MAGEC3: variants seen among roughly 807,000 people sequenced by gnomAD.
The protein encoded by MAGEC3 is MAGE family member C3.
A neutral mutation model predicts 35.3 loss-of-function variants in MAGEC3; 34 were observed. The ratio of observed to expected loss-of-function variants is 0.96; its 90% CI spans 0.73 to 1.28. The LOEUF (loss-of-function observed/expected upper bound fraction) is 1.28, where lower values mean the gene tolerates loss of function less well. Among genes scored for constraint, MAGEC3 ranks in the 50% most tolerant of loss-of-function variants. MAGEC3 has a pLI of 0.00. For missense variants in MAGEC3, 561 were observed against 483.6 expected, an observed-to-expected ratio of 1.16 and a Z score of -1.50; for synonymous variants, 202 against 185.6, an observed-to-expected ratio of 1.09 and a Z score of -0.72.
At chrX:141,884,606 G>A (rs1377445546) in intron 4 of MAGEC3, among the ~76,000 whole-genome samples, 2 of 111,411 alleles carry the variant, frequency 1.8e-5, no homozygotes, top group Non-Finnish European at 3.8e-5. Context: ...GGGGTTTCTG[G>A]AGTTGGATGC....
Position 141,857,405 on chromosome X carries a change from CTA to C in MAGEC3, c.124-8062_124-8061del, listed in dbSNP as rs1381500821. ...GGTCCCTTCAGTTCTCCACAAACCT[CTA>C]TATTTTCCACATTTTCGCATCAGGT... On this transcript the variant is annotated intron_variant, in intron 1 of 7. Transcript: ENST00000298296. Among the ~76,000 whole-genome samples, 4 of 111,009 alleles carry C rather than the reference CTA, an allele frequency of 3.6e-5. No individual in the cohort carries two copies. In the East Asian group the frequency reaches 8.6e-4, roughly 24 times the overall value.
chrX:141,866,428 T>C (rs1198157173), intron 2 of MAGEC3, among the ~76,000 whole-genome samples: 1 of 112,204 alleles, frequency 8.9e-6, no homozygotes, highest in Non-Finnish European at 1.9e-5. Context: ...ACACATTTAA[T>C]TGTCAAAAAG....
chrX:141,879,056 T>C, intron 2 of MAGEC3, 119 bp from the exon 3 acceptor site: 5 of 860,984 alleles, frequency 5.8e-6, no homozygotes, highest in Non-Finnish European at 6.4e-6. Context: ...AAGACTCAGT[T>C]GCACAGAGGC....
intron 2 of MAGEC3, among the ~76,000 whole-genome samples, chrX:141,872,251 C>T (rs2017893036): frequency 9.0e-6 from 1 of 111,170 alleles, no homozygotes; most frequent in Non-Finnish European, 1.9e-5. Flanking sequence ...TGGGGCCAAG[C>T]CATTTTACAG....
intron 1 of MAGEC3, among the ~76,000 whole-genome samples, chrX:141,843,150 G>A (rs1224002125): frequency 8.9e-6 from 1 of 112,318 alleles, no homozygotes; most frequent in East Asian, 2.8e-4. Context: ...TAGTTCACAA[G>A]ATGATTAGAG....
intron 3 of MAGEC3, chrX:141,880,811 C>T: frequency 9.0e-7 from 1 of 1,115,782 alleles, no homozygotes; most frequent in Non-Finnish European, 1.2e-6. Flanking sequence ...GGCCCTAGAG[C>T]ACCACCTTAA....
At chrX:141,873,899 A>G (rs2017903580) in intron 2 of MAGEC3, among the ~76,000 whole-genome samples, 1 of 112,061 alleles carries the variant, frequency 8.9e-6, no homozygotes, top group African/African-American at 3.2e-5. Context: ...GCAAAAGACT[A>G]AGATTAGCCA....
intron 2 of MAGEC3, among the ~76,000 whole-genome samples, chrX:141,869,119 C>T (rs1469981718): frequency 3.6e-5 from 4 of 110,241 alleles, no homozygotes; most frequent in Non-Finnish European, 5.7e-5. Flanking sequence ...CTCCTGATCT[C>T]GTAATCCACC....
At chrX:141,880,284 A>G (rs367534) in intron 3 of MAGEC3, among the ~76,000 whole-genome samples, 4,552 of 111,001 alleles carry the variant, frequency 0.041, 280 homozygotes, top group African/African-American at 0.14. Context: ...ACTACCTCCC[A>G]CTGCTCTCAG....
In MAGEC3 at chrX:141,897,713, A is replaced by G. The variant is rs200784001; in HGVS notation, c.1813A>G (p.Met605Val). ...IIPSAFPSWY[M>V]DALKDMEDRA... ...CCCTAGTGCCTTTCCATCCTGGTAC[A>G]TGGATGCTTTGAAAGATATGGAAGA... Residue 605 changes from methionine to valine, a missense_variant, in exon 8 of 8, where the codon ATG becomes GTG. Coordinates refer to ENST00000298296, the MANE Select transcript of MAGEC3 (RefSeq NM_138702.1). 22 of 1,209,995 alleles carry G rather than the reference A, an allele frequency of 1.8e-5. No homozygotes were observed. Among genetic ancestry groups the G allele is most frequent in the Non-Finnish European group, 2.5e-5 (22 of 895,199 alleles).
chrX:141,840,088 G>A, intron 1 of MAGEC3: 3 of 621,376 alleles, frequency 4.8e-6, no homozygotes, highest in Non-Finnish European at 5.8e-6. Context: ...AAGGATTTGT[G>A]TGAGGAGACC....
chrX:141,894,682 C>T, intron 4 of MAGEC3: 1 of 969,918 alleles, frequency 1.0e-6, no homozygotes. Context: ...AGCCCCGGGG[C>T]TGGCCAACAA....
chrX:141,869,076 G>A (rs1452674455), intron 2 of MAGEC3, among the ~76,000 whole-genome samples: 1 of 107,809 alleles, frequency 9.3e-6, no homozygotes, highest in Non-Finnish European at 1.9e-5. Flanking sequence ...AGTAGAGATC[G>A]GGTTTCACCG....
intron 1 of MAGEC3, among the ~76,000 whole-genome samples, chrX:141,862,873 G>A (rs189490156): frequency 0.016 from 1,821 of 111,599 alleles, 9 homozygotes; most frequent in Middle Eastern, 0.037. Flanking sequence ...AGTTTCTAAT[G>A]TTGACTGCAG....
At chrX:141,894,750 G>T (rs1295712752) in intron 4 of MAGEC3, 1 of 969,831 alleles carries the variant, frequency 1.0e-6, no homozygotes, top group Non-Finnish European at 1.3e-6. Flanking sequence ...GAAGGCCCAG[G>T]CGTCGCCCAG....
At chrX:141,859,731 T>G (rs1232505876) in intron 1 of MAGEC3, among the ~76,000 whole-genome samples, 2 of 111,079 alleles carry the variant, frequency 1.8e-5, no homozygotes, top group Non-Finnish European at 3.8e-5. Context: ...CAGTGAGTTT[T>G]GGGGGTTTTC....
chrX:141,894,213 G>A (rs2018065555), intron 4 of MAGEC3, among the ~76,000 whole-genome samples: 1 of 111,945 alleles, frequency 8.9e-6, no homozygotes, highest in South Asian at 3.7e-4. Context: ...ACTGGTCAGT[G>A]TGACACTTGG....
At chrX:141,869,981 C>T (rs1459287989) in intron 2 of MAGEC3, among the ~76,000 whole-genome samples, 1 of 111,058 alleles carries the variant, frequency 9.0e-6, no homozygotes, top group Admixed American at 9.6e-5. Context: ...CCAGATGCTT[C>T]AGGGGCCCTG....
intron 1 of MAGEC3, among the ~76,000 whole-genome samples, chrX:141,854,434 G>A (rs1305292486): frequency 9.0e-6 from 1 of 111,177 alleles, no homozygotes; most frequent in Non-Finnish European, 1.9e-5. Context: ...ATCTTGAATT[G>A]TATTCTCATA....
Sources: gnomAD v4.1 joint callset for allele counts (sites outside exome capture counted in the v4.1 genomes callset) on GRCh38, gnomAD v4.1.1 for gene constraint, MANE v1.5 for transcripts, NCBI Gene and HGNC (gene_info 2026-07-23, HGNC 2026-07-21) for gene names.